Variants in FRMD4B observed in about 807,000 individuals in gnomAD.
The protein encoded by FRMD4B is FERM domain containing 4B, also known as FERM domain-containing protein 4B.
FRMD4B carries 74 observed loss-of-function variants against 141.5 expected under a neutral mutation model. The ratio of observed to expected loss-of-function variants is 0.52; its 90% CI spans 0.43 to 0.63. The LOEUF is 0.63. Ranked by LOEUF, FRMD4B falls within the 30% of genes least tolerant of loss-of-function variation. The pLI is 0.00. For missense variants in FRMD4B, 1,366 were observed against 1,253.4 expected (o/e 1.09, Z -1.36); for synonymous variants, 506 against 467.9 (o/e 1.08, Z -1.05).
chr3:69,377,805 T>A (rs1361159834), intron 1 of FRMD4B, among the ~76,000 whole-genome samples: 1 of 141,602 alleles, frequency 7.1e-6, no homozygotes, highest in African/African-American at 2.8e-5. Flanking sequence ...TTAATCCTAC[T>A]TCTTCTTCTT....
chr3:69,283,668 G>A (rs1046401403), intron 5 of FRMD4B, among the ~76,000 whole-genome samples: 1 of 152,194 alleles, frequency 6.6e-6, no homozygotes, highest in African/African-American at 2.4e-5. Context: ...AGGAGCGATT[G>A]TATGTCTCCA....
At position 69,327,458 on chromosome 3, in the gene FRMD4B, A is replaced by G. The variant is rs77959954; in HGVS notation, c.163-13941T>C. 6.8e-3 allele frequency among the ~76,000 whole-genome samples: 1,030 copies of G among 152,318 alleles called. 5 individuals carry two copies. Among genetic ancestry groups the G allele is most frequent in the Admixed American group, 0.011 (172 of 15,304 alleles). ...ACATACATCGTCCTGAGAACCTAAG[A>G]ATTAGCAAAAATTAATTAGAAAATC... On this transcript the variant is annotated intron_variant, in intron 1 of 22. Transcript: ENST00000398540.
chr3:69,249,990 C>A, intron 6 of FRMD4B, 53 bp downstream of exon 6: 2 of 1,230,504 alleles, frequency 1.6e-6, no homozygotes, highest in South Asian at 1.2e-5. Flanking sequence ...AGGCAGTTAA[C>A]AAAAACGAAC....
At chr3:69,453,541 G>T (rs567483835) in intron 1 of FRMD4B, among the ~76,000 whole-genome samples, 1 of 152,204 alleles carries the variant, frequency 6.6e-6, no homozygotes, top group African/African-American at 2.4e-5. Flanking sequence ...GGCTCTCAAA[G>T]CTGCTAGGGC....
At chr3:69,450,144 A>G (rs1030689493) in intron 1 of FRMD4B, among the ~76,000 whole-genome samples, 3 of 150,510 alleles carry the variant, frequency 2.0e-5, no homozygotes, top group African/African-American at 7.5e-5. Flanking sequence ...ATCTCATACA[A>G]TGCCTGCAGA....
chr3:69,350,363 G>A (rs1190569750), intron 1 of FRMD4B, among the ~76,000 whole-genome samples: 1 of 152,086 alleles, frequency 6.6e-6, no homozygotes, highest in African/African-American at 2.4e-5. Context: ...GGAACACTTT[G>A]ACACTGTTGG....
At chr3:69,477,645 G>A (rs1196984293) in intron 1 of FRMD4B, among the ~76,000 whole-genome samples, 1 of 152,056 alleles carries the variant, frequency 6.6e-6, no homozygotes, top group Non-Finnish European at 1.5e-5. Flanking sequence ...TGTTCATCAA[G>A]GATATTGGTC....
At chr3:69,274,262 T>C (rs752158103) in intron 5 of FRMD4B, among the ~76,000 whole-genome samples, 1 of 152,142 alleles carries the variant, frequency 6.6e-6, no homozygotes, top group African/African-American at 2.4e-5. Context: ...ATAGTTTGCA[T>C]ATATATTAAC....
At position 69,219,953 on chromosome 3, in the gene FRMD4B, C is replaced by T. The variant is rs186425957; in HGVS notation, c.732-1574G>A. ...CATGTCCCTGCAAAGGACATGATCT[C>T]ATTCCTTTGTATGGCTACATAGTAT... On this transcript the variant is annotated intron_variant, in intron 9 of 22. Transcript: ENST00000398540. Among the ~76,000 whole-genome samples, 518 of 152,334 alleles carry T rather than the reference C, an allele frequency of 3.4e-3. 4 individuals carry two copies. Among genetic ancestry groups the T allele is most frequent in the Non-Finnish European group, 6.6e-3 (447 of 68,022 alleles).
chr3:69,524,356 T>A (rs571553039), intron 1 of FRMD4B, among the ~76,000 whole-genome samples: 1 of 152,326 alleles, frequency 6.6e-6, no homozygotes, highest in East Asian at 1.9e-4. Flanking sequence ...CACCCAGTTG[T>A]TAAGTCACAG....
chr3:69,256,350 C>T (rs1179337357), intron 5 of FRMD4B, among the ~76,000 whole-genome samples: 1 of 152,172 alleles, frequency 6.6e-6, no homozygotes, highest in Non-Finnish European at 1.5e-5. Context: ...GATGGAGTCT[C>T]ACTCTGCCTC....
At chr3:69,212,288 A>G (rs1338158637) in intron 11 of FRMD4B, among the ~76,000 whole-genome samples, 4 of 126,062 alleles carry the variant, frequency 3.2e-5, no homozygotes, top group Non-Finnish European at 6.4e-5. Flanking sequence ...TGAACCCAGG[A>G]GGTGGAGGTT....
chr3:69,538,500 A>C (rs1215570280), intron 1 of FRMD4B, among the ~76,000 whole-genome samples: 2 of 152,192 alleles, frequency 1.3e-5, no homozygotes, highest in East Asian at 3.8e-4. Flanking sequence ...GTCTCATGAA[A>C]TTACAGAACT....
intron 4 of FRMD4B, among the ~76,000 whole-genome samples, chr3:69,300,289 T>C (rs763347597): frequency 6.6e-6 from 1 of 152,254 alleles, no homozygotes; most frequent in Non-Finnish European, 1.5e-5. Flanking sequence ...AAGACTATTA[T>C]GATTCTCACT....
intron 1 of FRMD4B, chr3:69,353,463 G>T: frequency 4.2e-6 from 2 of 472,182 alleles, no homozygotes; most frequent in Non-Finnish European, 5.5e-6. Flanking sequence ...CCAAGATTTT[G>T]CTATGAAATG....
chr3:69,223,180 C>T (rs1371944872), intron 8 of FRMD4B, among the ~76,000 whole-genome samples: 1 of 152,166 alleles, frequency 6.6e-6, no homozygotes, highest in East Asian at 1.9e-4. Flanking sequence ...TTTCTATCTC[C>T]ATATGACTAG....
intron 7 of FRMD4B, among the ~76,000 whole-genome samples, chr3:69,225,685 A>G (rs146489690): frequency 0.14 from 17,053 of 122,524 alleles, 1,380 homozygotes; most frequent in Non-Finnish European, 0.17. Flanking sequence ...ACAGAGCAAG[A>G]CTCCGTCTCA....
intron 1 of FRMD4B, among the ~76,000 whole-genome samples, chr3:69,330,664 C>T (rs755358957): frequency 1.6e-4 from 24 of 149,748 alleles, no homozygotes; most frequent in South Asian, 4.2e-4. Flanking sequence ...TTTTCCTTAT[C>T]TATGTATTTT....
In FRMD4B at chr3:69,422,300, G is replaced by A. The variant is rs563342654; in HGVS notation, c.-1+10334C>T. ...CCCAGCTACTCGGGAGGCTGAGGCA[G>A]GAAAATTGCTTGAACCCGGGAGGTT... On this transcript the variant is annotated intron_variant, in intron 2 of 5. Transcript: ENST00000459638. Among the ~76,000 whole-genome samples, 3 of 151,214 alleles carry A rather than the reference G, an allele frequency of 2.0e-5. No homozygotes were observed. In the East Asian group the frequency reaches 5.9e-4, roughly 30 times the overall value.
Sources: allele counts gnomAD v4.1 joint callset (sites outside exome capture counted in the v4.1 genomes callset), GRCh38; gene constraint gnomAD v4.1.1; transcripts MANE v1.5; gene names NCBI Gene and HGNC (gene_info 2026-07-23, HGNC 2026-07-21).